PLEKHA6: variants seen among roughly 807,000 people sequenced by gnomAD.
PLEKHA6 encodes the protein pleckstrin homology domain containing A6.
Under a neutral mutation model 116.7 loss-of-function variants are expected in PLEKHA6, and 60 were observed. That is an observed-to-expected ratio of 0.51 (90% CI 0.42 to 0.64). The LOEUF (loss-of-function observed/expected upper bound fraction) is 0.64. Ranked by LOEUF, PLEKHA6 falls within the 30% of genes least tolerant of loss-of-function variation. The pLI, the probability that PLEKHA6 is intolerant of heterozygous loss-of-function variation, is 0.00. For missense variants in PLEKHA6, 1,338 were observed against 1,422.7 expected, an observed-to-expected ratio of 0.94 and a Z score of 0.96; for synonymous variants, 489 against 556.1, an observed-to-expected ratio of 0.88 and a Z score of 1.70.
intron 3 of PLEKHA6, 149 bp from the exon 4 acceptor site, chr1:204,268,461 C>T: frequency 2.4e-6 from 1 of 420,796 alleles, no homozygotes; most frequent in Non-Finnish European, 4.2e-6. Flanking sequence ...AATCTTGGAT[C>T]TATTACTAAT....
rs181652636 is a variant in PLEKHA6 at position 204,352,307 on chromosome 1, A to C, written c.-95+7387T>G. Among the ~76,000 whole-genome samples, 295 of 147,976 alleles carry C rather than the reference A, an allele frequency of 2.0e-3. 1 individual carries two copies. Among genetic ancestry groups the C allele is most frequent in the Non-Finnish European group, 2.0e-3 (133 of 66,790 alleles). The stretch of plus-strand genomic sequence containing the variant: ...GGAGAATTGCTTGAACCTGGGAGGC[A>C]GAGGTTGCAGTGAGCCAAGATCGCA... On this transcript the variant is annotated intron_variant, in intron 1 of 22. Transcript: ENST00000272203.
rs559651623 is a variant in PLEKHA6 at position 204,297,781 on chromosome 1, C to A, written c.-94-22972G>T. The stretch of plus-strand genomic sequence containing the variant: ...AAACATCGGAACTGAAATTCAGTCC[C>A]CTCTACATTGCTAACTATGAGCTGT... On this transcript the variant is annotated intron_variant, in intron 1 of 22. Coordinates refer to ENST00000272203, the MANE Select transcript of PLEKHA6 (RefSeq NM_014935.5). The A allele has an allele frequency of 4.4e-4, 222 of 509,382 alleles. 3 individuals are homozygous for A. In the South Asian group the frequency reaches 0.014, roughly 33 times the overall value. 31.6% of individuals were successfully genotyped at this position (509,382 alleles called of 1,614,324 possible). A position where few individuals can be genotyped will look rare whatever the true frequency, so the allele number is the denominator to read the frequency against.
At chr1:204,349,540 C>CAAAAAA (rs11403796) in intron 1 of PLEKHA6, among the ~76,000 whole-genome samples, 1 of 115,182 alleles carries the variant, frequency 8.7e-6, no homozygotes. Flanking sequence ...GACTCCATCT[C>CAAAAAA]AAAAAAAAAA....
chr1:204,234,870 A>G (rs1349441035), intron 17 of PLEKHA6, among the ~76,000 whole-genome samples: 1 of 149,884 alleles, frequency 6.7e-6, no homozygotes, highest in African/African-American at 2.4e-5. Flanking sequence ...TGGGACTTGG[A>G]CTGGCTCTCC....
At chr1:204,247,008 T>C (rs1663787034) in intron 13 of PLEKHA6, among the ~76,000 whole-genome samples, 1 of 152,116 alleles carries the variant, frequency 6.6e-6, no homozygotes, top group South Asian at 2.1e-4. Context: ...TGGTGGTTCA[T>C]GACTGTGGTC....
intron 1 of PLEKHA6, among the ~76,000 whole-genome samples, chr1:204,289,942 C>T (rs1333384355): frequency 6.6e-6 from 1 of 152,092 alleles, no homozygotes; most frequent in Non-Finnish European, 1.5e-5. Flanking sequence ...TTTTAAAACA[C>T]CATTTATAAT....
chr1:204,246,081 C>T (rs1370230355), intron 13 of PLEKHA6, among the ~76,000 whole-genome samples: 2 of 152,164 alleles, frequency 1.3e-5, no homozygotes, highest in African/African-American at 4.8e-5. Context: ...GGGGCAAGAG[C>T]TTCCATTTTA....
chr1:204,311,695 C>CA, intron 1 of PLEKHA6: 1 of 963,954 alleles, frequency 1.0e-6, no homozygotes, highest in Non-Finnish European at 1.2e-6. Flanking sequence ...TACCTTTGCT[C>CA]AAAAATATTT....
intron 1 of PLEKHA6, among the ~76,000 whole-genome samples, chr1:204,336,536 G>A (rs1340854590): frequency 5.3e-5 from 8 of 152,080 alleles, no homozygotes. Context: ...GGCCATCAGG[G>A]CAGACCTCCT....
Position 204,277,677 on chromosome 1 carries a change from T to G in PLEKHA6, c.-94-2868A>C, listed in dbSNP as rs1222517473. On this transcript the variant is annotated intron_variant, in intron 1 of 22. Transcript: ENST00000272203. The surrounding 1 kb of genome is among the most constrained non-coding windows in gnomAD (Gnocchi z 4.1). Reference sequence around the variant, plus strand: ...CATCTGCTGTTATTGCTGCCGCTGCTGAGAAGCTGAGATTGATTGAGCAGT... The same window carrying G: ...CATCTGCTGTTATTGCTGCCGCTGCGGAGAAGCTGAGATTGATTGAGCAGT... 1 of 152,250 alleles carries G rather than the reference T, an allele frequency of 6.6e-6. No individual in the cohort carries two copies. Among genetic ancestry groups the G allele is most frequent in the African/African-American group, 2.4e-5 (1 of 41,454 alleles). The allele number at this position is 152,250 out of a possible 1,614,324, so 9.4% of individuals were successfully genotyped here.
At chr1:204,250,514 T>TGG in intron 10 of PLEKHA6, 32 bp downstream of exon 10, 3 of 1,507,092 alleles carry the variant, frequency 2.0e-6, no homozygotes, top group Non-Finnish European at 2.8e-6. Flanking sequence ...GAGGCTGGAG[T>TGG]GGAGGGAGGG....
chr1:204,322,221 G>GC (rs767625545), intron 1 of PLEKHA6, among the ~76,000 whole-genome samples: 12 of 152,134 alleles, frequency 7.9e-5, no homozygotes, highest in East Asian at 3.9e-4. Flanking sequence ...GTCTGAACCC[G>GC]CCCCCCTACA....
At position 204,257,984 on chromosome 1, in the gene PLEKHA6, G is replaced by A. The variant is rs1276890056; in HGVS notation, c.1008-115C>T. ...GCAGGGTGCTTGAATAGGTACACAG[G>A]GGCTGAGGTTTATTCCAGAGATGAG... is the stretch of plus-strand genomic sequence containing the variant. On this transcript the variant is annotated intron_variant, in intron 8 of 22. Coordinates refer to ENST00000272203, the MANE Select transcript of PLEKHA6 (RefSeq NM_014935.5). This position sits in a 1 kb window ranked among gnomAD's most constrained non-coding sequence, Gnocchi z 6.5. The A allele has an allele frequency of 1.1e-6, 1 of 874,686 alleles. No individual in the cohort carries two copies. The highest frequency in any genetic ancestry group is 1.8e-6 in the Non-Finnish European group (1 of 569,564). The allele number at this position is 874,686 out of a possible 1,614,324, so 54.2% of individuals were successfully genotyped here.
chr1:204,288,797 G>C (rs147502748), intron 1 of PLEKHA6, among the ~76,000 whole-genome samples: 1 of 152,270 alleles, frequency 6.6e-6, no homozygotes. Flanking sequence ...AGTTTGGAGA[G>C]CAGCACTAGG....
At chr1:204,225,692 A>AT (rs1462015385) in intron 21 of PLEKHA6, among the ~76,000 whole-genome samples, 1 of 152,132 alleles carries the variant, frequency 6.6e-6, no homozygotes, top group Non-Finnish European at 1.5e-5. Flanking sequence ...ATGCTCCAAC[A>AT]CCTTACCATA....
intron 1 of PLEKHA6, among the ~76,000 whole-genome samples, chr1:204,276,540 G>T (rs374554311): frequency 6.6e-6 from 1 of 152,048 alleles, no homozygotes; most frequent in Admixed American, 6.6e-5. Context: ...TCTCAGTGGT[G>T]CAGGGCACCC....
chr1:204,290,787 C>T (rs1018492837), intron 1 of PLEKHA6, among the ~76,000 whole-genome samples: 13 of 151,958 alleles, frequency 8.6e-5, no homozygotes, highest in African/African-American at 1.5e-4. Flanking sequence ...GTCAGGAGTT[C>T]GAGACCAGCC....
At chr1:204,230,387 C>A (rs746166645) in intron 18 of PLEKHA6, 26 bp downstream of exon 18, 6 of 1,544,356 alleles carry the variant, frequency 3.9e-6, no homozygotes, top group Non-Finnish European at 5.2e-6. Context: ...CAGGCTCACG[C>A]CTGTGGGTAG....
chr1:204,322,819 G>A (rs1159442004), intron 1 of PLEKHA6, among the ~76,000 whole-genome samples: 1 of 152,034 alleles, frequency 6.6e-6, no homozygotes, highest in Non-Finnish European at 1.5e-5. Flanking sequence ...TTATTCTGGG[G>A]ACCACTCTTC....
Sources: gnomAD v4.1 joint callset for allele counts (sites outside exome capture counted in the v4.1 genomes callset) on GRCh38, gnomAD v4.1.1 for gene constraint, Gnocchi (gnomAD v3.1) non-coding constraint, MANE v1.5 for transcripts, NCBI Gene and HGNC (gene_info 2026-07-23, HGNC 2026-07-21) for gene names.